The following NOX5 variants were observed in gnomAD, a reference collection of about 807,000 sequenced individuals.
NOX5 encodes the protein NADPH oxidase 5, also known as NADPH oxidase, EF-hand calcium binding domain 5.
Under a neutral mutation model 85.7 loss-of-function variants are expected in NOX5, and 76 were observed. That is an observed-to-expected ratio of 0.89 (90% CI 0.74 to 1.07). The LOEUF (loss-of-function observed/expected upper bound fraction) is 1.07. Ranked by LOEUF, NOX5 falls within the 50% of genes least tolerant of loss-of-function variation. The probability of loss-of-function intolerance (pLI) is 0.00; values close to 1 mark genes in which losing one functional copy is unlikely to be tolerated. For missense variants in NOX5, 973 were observed against 999.5 expected (o/e 0.97, Z 0.36); for synonymous variants, 405 against 401.4 (o/e 1.01, Z -0.11).
Position 69,014,747 on chromosome 15 carries a change from T to C in NOX5, c.12T>C (p.Ser4=). 6.4e-7 allele frequency: 1 copy of C among 1,550,606 alleles called. No individual in the cohort carries two copies. The highest frequency in any genetic ancestry group is 1.4e-5 in the African/African-American group (1 of 73,170). Residue 4 remains serine (S), a synonymous_variant, in exon 1 of 16, where the codon TCT becomes TCC. Transcript: ENST00000388866. The part of the protein sequence containing the change: MNT[S]GDPAQTGPEG... ...GAAGACAGGAGAAGATGAACACATC[T>C]GGAGACCCAGCCCAGACGGGCCCTG...
intron 15 of NOX5, among the ~76,000 whole-genome samples, chr15:69,055,736 A>G (rs1480226027): frequency 1.3e-5 from 2 of 152,188 alleles, no homozygotes; most frequent in African/African-American, 2.4e-5. Flanking sequence ...GTTAGTCTCT[A>G]TGACCTCAAA....
chr15:69,043,849 T>C (rs1179568186), intron 10 of NOX5, among the ~76,000 whole-genome samples: 1 of 152,160 alleles, frequency 6.6e-6, no homozygotes, highest in South Asian at 2.1e-4. Context: ...TAAATATGTA[T>C]ACCTACACAC....
At chr15:69,019,007 T>C (rs1218100379) in intron 1 of NOX5, among the ~76,000 whole-genome samples, 1 of 152,152 alleles carries the variant, frequency 6.6e-6, no homozygotes, top group Non-Finnish European at 1.5e-5. Flanking sequence ...GGATCACAGG[T>C]GCATGCTATC....
intron 9 of NOX5, among the ~76,000 whole-genome samples, chr15:69,041,132 G>A (rs2050589328): frequency 6.6e-6 from 1 of 152,228 alleles, no homozygotes; most frequent in Non-Finnish European, 1.5e-5. Context: ...GTTTACTGGA[G>A]TCAGGAGTGG....
intron 1 of NOX5, chr15:69,022,882 ATGC>A (rs2050311599): frequency 2.3e-6 from 1 of 433,598 alleles, no homozygotes; most frequent in African/African-American, 2.1e-5. Context: ...AGCACAGCAA[ATGC>A]TGACCTTTTT....
Position 69,059,045 on chromosome 15 carries a change from C to G in NOX5, c.*2349C>G, listed in dbSNP as rs1004118375. On this transcript the variant is annotated 3_prime_UTR_variant, in exon 16 of 16. Transcript: ENST00000388866. ...CGCCTTAACACATTTGAGCCCTGCC[C>G]TCAGTCCTTTGCCCTCTCGTAACAG... The G allele has an allele frequency of 2.6e-5, 4 of 152,266 alleles. No homozygotes were observed. Among genetic ancestry groups the G allele is most frequent in the African/African-American group, 9.6e-5 (4 of 41,458 alleles). The allele number at this position is 152,266 out of a possible 1,614,324, so 9.4% of individuals were successfully genotyped here.
At position 69,031,683 on chromosome 15, in the gene NOX5, A is replaced by G; in HGVS notation, c.491A>G (p.Glu164Gly). ...GAGAGCGCCATCTCGCTGCCTGACG[A>G]GAAGCTGGACCAGCTGACGCTGGCG... ...LRESAISLPD[E>G]KLDQLTLALF... Residue 164 changes from glutamate (E) to glycine (G), a missense_variant, in exon 4 of 16, where the codon GAG (glutamate) becomes GGG (glycine). Coordinates refer to ENST00000388866, the MANE Select transcript of NOX5 (RefSeq NM_024505.4). The G allele has an allele frequency of 6.2e-7, 1 of 1,613,378 alleles. No individual in the cohort carries two copies. Among genetic ancestry groups the G allele is most frequent in the Non-Finnish European group, 8.5e-7 (1 of 1,179,898 alleles).
intron 2 of NOX5, among the ~76,000 whole-genome samples, chr15:69,027,397 A>G (rs1222291246): frequency 6.6e-6 from 1 of 152,168 alleles, no homozygotes; most frequent in Non-Finnish European, 1.5e-5. Flanking sequence ...TAAAGGTACT[A>G]CCCAGGGATC....
chr15:69,059,139 G>A lies in NOX5; in HGVS notation c.*2443G>A, dbSNP rs1239965182. ...TCGTTTAGGACTTAATAATATAGTGGGTGGGAGCAGGTGGAAGGACTTGGA... is the reference window on the plus strand; with the variant it reads ...TCGTTTAGGACTTAATAATATAGTGAGTGGGAGCAGGTGGAAGGACTTGGA... On this transcript the variant is annotated 3_prime_UTR_variant, in exon 16 of 16. Transcript: ENST00000388866. 1 of 152,200 alleles carries A rather than the reference G, an allele frequency of 6.6e-6. No individual in the cohort carries two copies. Among genetic ancestry groups the A allele is most frequent in the East Asian group, 1.9e-4 (1 of 5,188 alleles). The allele number at this position is 152,200 out of a possible 1,614,324, so 9.4% of individuals were successfully genotyped here. A position where few individuals can be genotyped will look rare whatever the true frequency, so the allele number is the denominator to read the frequency against.
chr15:69,047,910 AG>A lies in NOX5; in HGVS notation c.1899+1del. 6.2e-7 allele frequency: 1 copy of A among 1,614,114 alleles called. No individual in the cohort carries two copies. The highest frequency in any genetic ancestry group is 1.7e-5 in the Admixed American group (1 of 60,032). The part of the protein sequence containing the change: ...EGVQDNMKLH[K>X]VDFIWINRDQ... ...GTCCAAGACAACATGAAGCTCCATA[AG>A]GTGAGTACCACCTCCTGCAGGCAGG... On this transcript the variant is annotated frameshift_variant and splice_region_variant, in exon 13 of 16. Coordinates refer to ENST00000388866, the MANE Select transcript of NOX5 (RefSeq NM_024505.4). LOFTEE classifies it high-confidence loss of function.
At chr15:69,028,744 TAC>T (rs1220297013) in intron 3 of NOX5, 1 of 156,526 alleles carries the variant, frequency 6.4e-6, no homozygotes, top group Non-Finnish European at 1.4e-5. Context: ...TTTTAGACAA[TAC>T]AGAGTGGTAT....
chr15:69,044,399 A>T (rs1377505917), intron 10 of NOX5, among the ~76,000 whole-genome samples: 1 of 152,214 alleles, frequency 6.6e-6, no homozygotes. Flanking sequence ...ATCTCAGGTG[A>T]TAATAAATGC....
At chr15:69,045,708 A>T (rs1332590916) in intron 10 of NOX5, among the ~76,000 whole-genome samples, 14 of 130,112 alleles carry the variant, frequency 1.1e-4, no homozygotes, top group East Asian at 2.1e-4. Context: ...TTCCTTTCTC[A>T]CTTTGTAAAA....
chr15:69,056,001 A>G lies in NOX5; in HGVS notation c.2166+501A>G, dbSNP rs541521170. 3.9e-5 allele frequency among the ~76,000 whole-genome samples: 6 copies of G among 152,306 alleles called. No individual in the cohort carries two copies. The South Asian group carries it at 1.2e-3, about 32-fold the overall frequency. ...GGTGCTGCTTTTAAAAGTGCTGCAG[A>G]TGACCCCATGCCTGGGTCATGACAG... On this transcript the variant is annotated intron_variant, in intron 15 of 15. Coordinates refer to ENST00000388866, the MANE Select transcript of NOX5 (RefSeq NM_024505.4).
chr15:69,055,359 C>T lies in NOX5; in HGVS notation c.2025C>T (p.Tyr675=). The T allele has an allele frequency of 2.5e-6, 4 of 1,614,216 alleles. No homozygotes were observed. The highest frequency in any genetic ancestry group is 1.7e-5 in the Admixed American group (1 of 60,028). ...GCCGCTTCCTGGAGCTGCATATGTACATGACATCTGCACTGGGCAAGAATG... is the reference window on the plus strand; with the variant it reads ...GCCGCTTCCTGGAGCTGCATATGTATATGACATCTGCACTGGGCAAGAATG... ...QYGRFLELHM[Y]MTSALGKNDM... Residue 675 remains tyrosine, a synonymous_variant, in exon 15 of 16, where the codon TAC becomes TAT. Transcript: ENST00000388866.
chr15:69,039,039 C>T, intron 9 of NOX5, 50 bp downstream of exon 9: 1 of 1,598,944 alleles, frequency 6.3e-7, no homozygotes, highest in Non-Finnish European at 8.6e-7. Context: ...TGAGTTCCTA[C>T]CGTGGGCCAA....
chr15:69,042,138 G>A (rs2050602962), intron 9 of NOX5, among the ~76,000 whole-genome samples: 1 of 151,418 alleles, frequency 6.6e-6, no homozygotes, highest in Non-Finnish European at 1.5e-5. Context: ...TCACTCTGAT[G>A]TTGTGGATTC....
chr15:69,049,340 G>C (rs1435806766), intron 14 of NOX5, among the ~76,000 whole-genome samples: 1 of 151,882 alleles, frequency 6.6e-6, no homozygotes, highest in African/African-American at 2.4e-5. Flanking sequence ...ACAGGTGCAG[G>C]CCACCACTTC....
chr15:69,035,831 C>T lies in NOX5; in HGVS notation c.1083C>T (p.Gly361=). 1 of 1,614,224 alleles carries T rather than the reference C, an allele frequency of 6.2e-7. No individual in the cohort carries two copies. Among genetic ancestry groups the T allele is most frequent in the Non-Finnish European group, 8.5e-7 (1 of 1,180,040 alleles). The change falls in exon 7 of 16, where the codon GGC becomes GGT. Residue 361 remains glycine (G), a synonymous_variant. Coordinates refer to ENST00000388866, the MANE Select transcript of NOX5 (RefSeq NM_024505.4). ...TGCTCACCACGAGGCCTGGCATTGG[C>T]TGGGTACACGGTTCGGCCTCCCCGA... ...ELLLTTRPGI[G]WVHGSASPTG...
Sources: allele counts gnomAD v4.1 joint callset (sites outside exome capture counted in the v4.1 genomes callset), GRCh38; gene constraint gnomAD v4.1.1; transcripts MANE v1.5; gene names NCBI Gene and HGNC (gene_info 2026-07-23, HGNC 2026-07-21).